LPCAT1: variants seen among roughly 807,000 people sequenced by gnomAD.
LPCAT1 encodes 1-acylglycerol-3-phosphate O-acyltransferase.
LPCAT1 carries 23 observed loss-of-function variants against 60.9 expected under a neutral mutation model. The observed-to-expected ratio is 0.38, with a 90% CI of 0.27 to 0.53. The LOEUF is 0.53. LPCAT1 is among the 20% of genes least tolerant of loss of function. The pLI is 0.82. For missense variants in LPCAT1, 622 were observed against 723.6 expected, an observed-to-expected ratio of 0.86 and a Z score of 1.61; for synonymous variants, 340 against 301.1, an observed-to-expected ratio of 1.13 and a Z score of -1.34.
At chr5:1,491,536 C>A (rs1735582869) in intron 3 of LPCAT1, among the ~76,000 whole-genome samples, 1 of 152,128 alleles carries the variant, frequency 6.6e-6, no homozygotes, top group Non-Finnish European at 1.5e-5. Flanking sequence ...AAGTCTTGGG[C>A]CGTGCGTCTT....
At chr5:1,506,750 G>A (rs1463039987) in intron 1 of LPCAT1, among the ~76,000 whole-genome samples, 1 of 152,200 alleles carries the variant, frequency 6.6e-6, no homozygotes, top group Non-Finnish European at 1.5e-5. Context: ...AGGCAGCGTC[G>A]CTGGAGACTC....
intron 13 of LPCAT1, among the ~76,000 whole-genome samples, chr5:1,465,618 CACACA>C (rs1486799262): frequency 7.9e-5 from 12 of 151,334 alleles, no homozygotes; most frequent in Admixed American, 2.6e-4. Context: ...CGTGCGCACA[CACACA>C]AAACAAGCAC....
intron 8 of LPCAT1, among the ~76,000 whole-genome samples, chr5:1,479,231 C>T (rs143796897): frequency 6.5e-4 from 99 of 152,258 alleles, no homozygotes; most frequent in Admixed American, 1.7e-3. Context: ...CCCATCTCTA[C>T]AAAAATTAGC....
rs1553991566 is a variant in LPCAT1, at chr5:1,463,541, CAG to C, written c.*108_*109del. On this transcript the variant is annotated 3_prime_UTR_variant, in exon 14 of 14. Transcript: ENST00000283415. Reference sequence around the variant, plus strand: ...AGGCCCCTGGAACTCGGGCTGAAGACAGTGCCTGTACAGCAGGAGTGAGGAGC... The same window carrying C: ...AGGCCCCTGGAACTCGGGCTGAAGACTGCCTGTACAGCAGGAGTGAGGAGC... 4 of 1,200,610 alleles carry C rather than the reference CAG, an allele frequency of 3.3e-6. No individual in the cohort carries two copies. Among genetic ancestry groups the C allele is most frequent in the Non-Finnish European group, 4.6e-6 (4 of 860,970 alleles). 74.4% of individuals were successfully genotyped at this position (1,200,610 alleles called of 1,614,324 possible).
At chr5:1,512,405 A>C (rs1736383966) in intron 1 of LPCAT1, among the ~76,000 whole-genome samples, 1 of 152,164 alleles carries the variant, frequency 6.6e-6, no homozygotes, top group East Asian at 1.9e-4. Flanking sequence ...CCTCCCTCTC[A>C]CTATCCCTGA....
At chr5:1,497,497 C>T (rs1386640443) in intron 2 of LPCAT1, among the ~76,000 whole-genome samples, 1 of 152,264 alleles carries the variant, frequency 6.6e-6, no homozygotes, top group African/African-American at 2.4e-5. Context: ...GGCTACGGTG[C>T]CAGGCCGGTG....
rs574036034 is a variant in LPCAT1, at chr5:1,487,939, C to G, written c.667+452G>C. On this transcript the variant is annotated intron_variant, in intron 5 of 13. Coordinates refer to ENST00000283415, the MANE Select transcript of LPCAT1 (RefSeq NM_024830.5). The surrounding 1 kb of genome is among the most constrained non-coding windows in gnomAD (Gnocchi z 6.1). ...AAGTTCACACGCATTTGAGTCCCCCCTCCCCAGGGAGAAAGAACACTGTCT... is the reference window on the plus strand; with the variant it reads ...AAGTTCACACGCATTTGAGTCCCCCGTCCCCAGGGAGAAAGAACACTGTCT... Among the ~76,000 whole-genome samples, 1 of 152,188 alleles carries G rather than the reference C, an allele frequency of 6.6e-6. No individual in the cohort carries two copies. The highest frequency in any genetic ancestry group is 2.4e-5 in the African/African-American group (1 of 41,440).
chr5:1,504,311 C>T (rs774106666), intron 1 of LPCAT1, among the ~76,000 whole-genome samples: 2 of 152,038 alleles, frequency 1.3e-5, no homozygotes, highest in African/African-American at 2.4e-5. Context: ...TGGAGGAGAG[C>T]GCAGCGGAGG....
At chr5:1,499,861 C>T (rs920602478) in intron 2 of LPCAT1, among the ~76,000 whole-genome samples, 3 of 152,270 alleles carry the variant, frequency 2.0e-5, no homozygotes, top group African/African-American at 4.8e-5. Context: ...AGAACCGAAG[C>T]TCAGGCAGAT....
chr5:1,504,823 A>G (rs966763793), intron 1 of LPCAT1, among the ~76,000 whole-genome samples: 5 of 152,212 alleles, frequency 3.3e-5, no homozygotes, highest in African/African-American at 1.2e-4. Context: ...GAAGTGTGAT[A>G]ACCAGCACTA....
At position 1,463,466 on chromosome 5, in the gene LPCAT1, G is replaced by A. The variant is rs553618950; in HGVS notation, c.*185C>T. ...GCCCTCCGATTCTCGCACAGTAAGC[G>A]TCGGTTCTGCAACACACTTCACAAA... On this transcript the variant is annotated 3_prime_UTR_variant, in exon 14 of 14. Transcript: ENST00000283415. 6.1e-6 allele frequency: 4 copies of A among 657,810 alleles called. No individual in the cohort carries two copies. Among genetic ancestry groups the A allele is most frequent in the South Asian group, 2.1e-5 (1 of 48,024 alleles). 40.7% of individuals were successfully genotyped at this position (657,810 alleles called of 1,614,324 possible).
intron 2 of LPCAT1, among the ~76,000 whole-genome samples, chr5:1,497,788 G>A (rs149927937): frequency 3.6e-4 from 55 of 152,328 alleles, no homozygotes; most frequent in Middle Eastern, 6.8e-3. Context: ...TCATCATGGG[G>A]ATGGCATCCC....
At chr5:1,517,676 CA>C (rs35322573) in intron 1 of LPCAT1, among the ~76,000 whole-genome samples, 5 of 149,322 alleles carry the variant, frequency 3.3e-5, no homozygotes, top group African/African-American at 7.4e-5. Context: ...AATTCAACTG[CA>C]AAAAAAAAAG....
At chr5:1,492,444 A>AGTCG (rs1735624620) in intron 3 of LPCAT1, among the ~76,000 whole-genome samples, 1 of 152,020 alleles carries the variant, frequency 6.6e-6, no homozygotes, top group Non-Finnish European at 1.5e-5. Flanking sequence ...TAGAGGAGTC[A>AGTCG]TCAGCCACGC....
Position 1,495,638 on chromosome 5 carries a change from C to T in LPCAT1, c.279-724G>A, listed in dbSNP as rs1027531912. Among the ~76,000 whole-genome samples, 6 of 152,120 alleles carry T rather than the reference C, an allele frequency of 3.9e-5. No individual in the cohort carries two copies. Among genetic ancestry groups the T allele is most frequent in the Admixed American group, 2.6e-4 (4 of 15,278 alleles). Reference sequence around the variant, plus strand: ...TATTCCACACCTCAGGGAATTGACACGCAGCAGACAGCCACGGTGTGTGAG... The same window carrying T: ...TATTCCACACCTCAGGGAATTGACATGCAGCAGACAGCCACGGTGTGTGAG... On this transcript the variant is annotated intron_variant, in intron 2 of 13. Transcript: ENST00000283415. The surrounding 1 kb of genome is among the most constrained non-coding windows in gnomAD (Gnocchi z 4.7).
chr5:1,479,988 C>T (rs1735071540), intron 7 of LPCAT1, among the ~76,000 whole-genome samples: 1 of 151,988 alleles, frequency 6.6e-6, no homozygotes, highest in Admixed American at 6.5e-5. Flanking sequence ...ACACCTGTCC[C>T]TCCTCGCTGT....
chr5:1,511,260 C>T (rs1482192826), intron 1 of LPCAT1, among the ~76,000 whole-genome samples: 2 of 152,322 alleles, frequency 1.3e-5, no homozygotes, highest in East Asian at 1.9e-4. Flanking sequence ...TTGACCTCCC[C>T]GGCGCGCGCT....
At chr5:1,510,103 C>T (rs1041267546) in intron 1 of LPCAT1, among the ~76,000 whole-genome samples, 1 of 152,036 alleles carries the variant, frequency 6.6e-6, no homozygotes, top group Non-Finnish European at 1.5e-5. Context: ...TTTTTCTCAC[C>T]CCTGTGAACA....
At position 1,477,638 on chromosome 5, in the gene LPCAT1, GCACA is replaced by G. The variant is rs112059721; in HGVS notation, c.817-156_817-153del. 689 of 598,180 alleles carry G rather than the reference GCACA, an allele frequency of 1.2e-3. 1 individual carries two copies. The African/African-American group carries it at 0.012, about 10-fold the overall frequency. The allele number at this position is 598,180 out of a possible 1,614,324, so 37.1% of individuals were successfully genotyped here. ...AGTTGTCATGTGCACGTGTGTGTAC[GCACA>G]CACACACCCCCATGATGCATGAACT... On this transcript the variant is annotated intron_variant, in intron 8 of 13. Coordinates refer to ENST00000283415, the MANE Select transcript of LPCAT1 (RefSeq NM_024830.5). This position sits in a 1 kb window ranked among gnomAD's most constrained non-coding sequence, Gnocchi z 6.0.
Sources: allele counts gnomAD v4.1 joint callset (sites outside exome capture counted in the v4.1 genomes callset), GRCh38; gene constraint gnomAD v4.1.1; non-coding constraint Gnocchi (gnomAD v3.1); transcripts MANE v1.5; gene names NCBI Gene and HGNC (gene_info 2026-07-23, HGNC 2026-07-21).